The following PARD3 variants were observed in gnomAD, a reference collection of about 807,000 sequenced individuals.
PARD3 encodes the protein partitioning defective 3 homolog.
A neutral mutation model predicts 155.4 loss-of-function variants in PARD3; 75 were observed. That is an observed-to-expected ratio of 0.48 (90% CI 0.40 to 0.58). PARD3 has a LOEUF of 0.58. Among genes scored for constraint, PARD3 ranks in the 20% least tolerant of loss-of-function variants. The pLI is 0.00. For missense variants in PARD3, 1,642 were observed against 1,721.7 expected (o/e 0.95, Z 0.82); for synonymous variants, 576 against 610.5 (o/e 0.94, Z 0.83).
chr10:34,111,274 G>A lies in PARD3; in HGVS notation c.3957C>T (p.Ala1319=). 1 of 1,613,900 alleles carries A rather than the reference G, an allele frequency of 6.2e-7. No homozygotes were observed. Among genetic ancestry groups the A allele is most frequent in the Non-Finnish European group, 8.5e-7 (1 of 1,179,798 alleles). The change falls in exon 25 of 25, where the codon GCC becomes GCT. Residue 1319 remains alanine, a synonymous_variant. Transcript: ENST00000374788. The part of the protein sequence containing the change: ...SYKKVQDPSY[A]PPKGPFRQDV... The stretch of plus-strand genomic sequence containing the variant: ...CTTGCCGGAAGGGCCCCTTGGGAGG[G>A]GCGTAACTGGGGTCCTGGACTTTCT...
chr10:34,684,868 T>TAC lies in PARD3; in HGVS notation c.222+11448_222+11449dup, dbSNP rs780196425. Among the ~76,000 whole-genome samples, 496 of 60,336 alleles carry TAC rather than the reference T, an allele frequency of 8.2e-3. 4 individuals are homozygous for TAC. The highest frequency in any genetic ancestry group is 0.023 in the South Asian group (33 of 1,432). 39.6% of individuals were successfully genotyped at this position (60,336 alleles called of 152,430 possible). ...ACACATATATATACATGTATATATA[T>TAC]ACACACACATACACACACACACACA... On this transcript the variant is annotated intron_variant, in intron 2 of 24. Transcript: ENST00000374788.
At chr10:34,375,924 G>C (rs887506834) in intron 10 of PARD3, among the ~76,000 whole-genome samples, 35 of 152,096 alleles carry the variant, frequency 2.3e-4, no homozygotes, top group African/African-American at 8.2e-4. Context: ...AGTTCCAGTG[G>C]AGACTCTTAC....
Position 34,815,014 on chromosome 10 carries a change from G to T in PARD3, c.-19C>A, listed in dbSNP as rs1432856653. ...CTTTCATGCCGCCGCCGCCGCGGGC[G>T]GGCCCGCGCCCCTCGCCGAGCGCAG... On this transcript the variant is annotated 5_prime_UTR_variant, in exon 1 of 25. Coordinates refer to ENST00000374788, the MANE Select transcript of PARD3 (RefSeq NM_001184785.2). 8 of 1,423,714 alleles carry T rather than the reference G, an allele frequency of 5.6e-6. No individual in the cohort carries two copies. The African/African-American group carries it at 6.0e-5, about 11-fold the overall frequency. The allele number at this position is 1,423,714 out of a possible 1,614,324, so 88.2% of individuals were successfully genotyped here.
intron 2 of PARD3, among the ~76,000 whole-genome samples, chr10:34,623,392 T>C (rs1198855555): frequency 6.6e-6 from 1 of 152,200 alleles, no homozygotes; most frequent in Non-Finnish European, 1.5e-5. Flanking sequence ...CTACGAATCT[T>C]TGAATAGGCC....
At chr10:34,686,916 G>GT (rs1451587490) in intron 2 of PARD3, among the ~76,000 whole-genome samples, 1 of 151,946 alleles carries the variant, frequency 6.6e-6, no homozygotes, top group African/African-American at 2.4e-5. Context: ...GGGAGTGGTG[G>GT]TGAGCGCCTG....
chr10:34,804,345 C>T (rs1588840183), intron 1 of PARD3, among the ~76,000 whole-genome samples: 1 of 152,162 alleles, frequency 6.6e-6, no homozygotes, highest in African/African-American at 2.4e-5. Flanking sequence ...CCAAGATCAA[C>T]TTGATTTGTC....
At chr10:34,740,748 GA>G (rs760426814) in intron 1 of PARD3, among the ~76,000 whole-genome samples, 3 of 151,800 alleles carry the variant, frequency 2.0e-5, no homozygotes, top group Non-Finnish European at 4.4e-5. Context: ...TCTTCATTCT[GA>G]ACAACAAAAA....
At chr10:34,360,480 C>A (rs1839337368) in intron 12 of PARD3, among the ~76,000 whole-genome samples, 1 of 151,956 alleles carries the variant, frequency 6.6e-6, no homozygotes, top group African/African-American at 2.4e-5. Flanking sequence ...CAATATTGAA[C>A]CAAACTTAAA....
At position 34,339,386 on chromosome 10, in the gene PARD3, A is replaced by C. The variant is rs558938180; in HGVS notation, c.2409-1960T>G. The stretch of plus-strand genomic sequence containing the variant: ...AAAAAACAAAAACAAAACAAAAAAA[A>C]CCTCAACTCCAATACTGCACCAAAC... On this transcript the variant is annotated intron_variant, in intron 16 of 24. Coordinates refer to ENST00000374788, the MANE Select transcript of PARD3 (RefSeq NM_001184785.2). Among the ~76,000 whole-genome samples the C allele has an allele frequency of 1.2e-4, 19 of 152,252 alleles. No individual in the cohort carries two copies. In the East Asian group the frequency reaches 3.5e-3, roughly 28 times the overall value.
At chr10:34,784,697 A>G (rs952840345) in intron 1 of PARD3, among the ~76,000 whole-genome samples, 4 of 152,168 alleles carry the variant, frequency 2.6e-5, no homozygotes, top group Non-Finnish European at 4.4e-5. Flanking sequence ...TCAGCCTCCT[A>G]AAGTGCTGGG....
intron 5 of PARD3, among the ~76,000 whole-genome samples, chr10:34,411,689 T>C (rs985011696): frequency 2.0e-5 from 3 of 151,764 alleles, no homozygotes; most frequent in Non-Finnish European, 2.9e-5. Flanking sequence ...CAATTCCTTA[T>C]AGTAAATGTT....
In PARD3 at chr10:34,329,219, T is replaced by C. The variant is rs571788590; in HGVS notation, c.2833+1898A>G. Among the ~76,000 whole-genome samples, 8 of 152,294 alleles carry C rather than the reference T, an allele frequency of 5.3e-5. No homozygotes were observed. In the South Asian group the frequency reaches 1.7e-3, roughly 32 times the overall value. On this transcript the variant is annotated intron_variant, in intron 19 of 24. Coordinates refer to ENST00000374788, the MANE Select transcript of PARD3 (RefSeq NM_001184785.2). The stretch of plus-strand genomic sequence containing the variant: ...GAATTAAAAATATACCTTATATTCA[T>C]ATGTATTCTATCTCCTGTTACATTT...
rs1053155562 is a variant in PARD3, at chr10:34,446,422, G to A, written c.714+3895C>T. 3.3e-5 allele frequency among the ~76,000 whole-genome samples: 5 copies of A among 152,006 alleles called. No individual in the cohort carries two copies. The East Asian group carries it at 5.8e-4, about 18-fold the overall frequency. On this transcript the variant is annotated intron_variant, in intron 5 of 24. Transcript: ENST00000374788. ...GGCGGGTATTGTATCACTTGACACG[G>A]CAACCCCTGAGACAAGGTCTACAAT...
chr10:34,201,307 C>T (rs79206098), intron 22 of PARD3, among the ~76,000 whole-genome samples: 8 of 152,332 alleles, frequency 5.3e-5, no homozygotes, highest in Middle Eastern at 3.4e-3. Context: ...TTCGTTGCTG[C>T]TTCAAGAAAG....
intron 2 of PARD3, among the ~76,000 whole-genome samples, chr10:34,542,227 GTGTGTGT>G (rs1196472347): frequency 9.6e-3 from 43 of 4,492 alleles, no homozygotes; most frequent in South Asian, 0.051. Flanking sequence ...GTGTGTGTGT[GTGTGTGT>G]GTGTGCACAC....
At chr10:34,468,077 T>G (rs1003878023) in intron 4 of PARD3, among the ~76,000 whole-genome samples, 2 of 152,054 alleles carry the variant, frequency 1.3e-5, no homozygotes, top group Non-Finnish European at 2.9e-5. Context: ...CAGGGTGGTG[T>G]ATAGTGTGTA....
At chr10:34,257,054 CAATTGGGGAAAAAATGG>C (rs1954689316) in intron 22 of PARD3, among the ~76,000 whole-genome samples, 1 of 151,884 alleles carries the variant, frequency 6.6e-6, no homozygotes, top group Non-Finnish European at 1.5e-5. Flanking sequence ...CAAAATCAAC[CAATTGGGGAAAAAATGG>C]AAGAAGACAT....
chr10:34,801,071 T>C (rs189110006), intron 1 of PARD3, among the ~76,000 whole-genome samples: 3 of 152,332 alleles, frequency 2.0e-5, no homozygotes, highest in Non-Finnish European at 4.4e-5. Context: ...ACTTGAGTAT[T>C]CTGGAAAGTT....
chr10:34,355,957 CCA>C (rs1491177247), intron 14 of PARD3, among the ~76,000 whole-genome samples: 1 of 92,382 alleles, frequency 1.1e-5, no homozygotes, highest in African/African-American at 5.3e-5. Context: ...CAAAACAAAA[CCA>C]AACAAAAAAA....
Sources: gnomAD v4.1 joint callset for allele counts (sites outside exome capture counted in the v4.1 genomes callset) on GRCh38, gnomAD v4.1.1 for gene constraint, MANE v1.5 for transcripts, NCBI Gene and HGNC (gene_info 2026-07-23, HGNC 2026-07-21) for gene names.